Variants in TNFRSF19 observed in about 807,000 individuals in gnomAD.
TNFRSF19 encodes TNF receptor superfamily member 19.
TNFRSF19 carries 27 observed loss-of-function variants against 46.4 expected under a neutral mutation model. The ratio of observed to expected loss-of-function variants is 0.58; its 90% CI spans 0.43 to 0.80. The LOEUF is 0.80. Ranked by LOEUF, TNFRSF19 falls within the 30% of genes least tolerant of loss-of-function variation. The pLI, the probability that TNFRSF19 is intolerant of heterozygous loss-of-function variation, is 0.00. For missense variants in TNFRSF19, 511 were observed against 530.8 expected, an observed-to-expected ratio of 0.96 and a Z score of 0.37; for synonymous variants, 204 against 205.0, an observed-to-expected ratio of 1.00 and a Z score of 0.04.
intron 1 of TNFRSF19, among the ~76,000 whole-genome samples, chr13:23,574,589 G>A (rs971534565): frequency 2.0e-5 from 3 of 152,110 alleles, no homozygotes; most frequent in African/African-American, 7.2e-5. Flanking sequence ...TCTGCTTCAG[G>A]AGTGAACTGA....
At chr13:23,574,508 T>C (rs1430519299) in intron 1 of TNFRSF19, among the ~76,000 whole-genome samples, 3 of 152,108 alleles carry the variant, frequency 2.0e-5, no homozygotes, top group African/African-American at 7.2e-5. Context: ...ATTAGACATT[T>C]TTAATAGTAT....
intron 3 of TNFRSF19, among the ~76,000 whole-genome samples, chr13:23,610,550 A>G (rs940101624): frequency 6.8e-6 from 1 of 146,096 alleles, no homozygotes; most frequent in East Asian, 2.2e-4. Context: ...GCCCAGGAGG[A>G]CTATATGGCC....
At chr13:23,635,168 G>A (rs1882603533) in intron 5 of TNFRSF19, among the ~76,000 whole-genome samples, 1 of 152,152 alleles carries the variant, frequency 6.6e-6, no homozygotes, top group Admixed American at 6.5e-5. Flanking sequence ...GGTGAACTCC[G>A]AGGGACAGGA....
At chr13:23,632,738 G>A (rs990760063) in intron 5 of TNFRSF19, among the ~76,000 whole-genome samples, 1 of 152,148 alleles carries the variant, frequency 6.6e-6, no homozygotes, top group African/African-American at 2.4e-5. Flanking sequence ...TCTCTATCAA[G>A]AGGACACCTT....
chr13:23,622,664 A>C (rs1183484664), intron 4 of TNFRSF19, among the ~76,000 whole-genome samples: 1 of 152,178 alleles, frequency 6.6e-6, no homozygotes, highest in African/African-American at 2.4e-5. Context: ...TAACTTTTTA[A>C]GTGTTAAAAG....
At position 23,624,265 on chromosome 13, in the gene TNFRSF19, A is replaced by G. The variant is rs9578623; in HGVS notation, c.360-2442A>G. Reference sequence around the variant, plus strand: ...TTGTCTGTCTTTATGCCAGTACTACATATTTTGATTATTGTTGCATTGTAT... The same window carrying G: ...TTGTCTGTCTTTATGCCAGTACTACGTATTTTGATTATTGTTGCATTGTAT... On this transcript the variant is annotated intron_variant, in intron 4 of 9. Transcript: ENST00000248484. 6.6e-3 allele frequency among the ~76,000 whole-genome samples: 991 copies of G among 150,822 alleles called. 14 individuals carry two copies. The highest frequency in any genetic ancestry group is 0.022 in the African/African-American group (913 of 41,166).
intron 2 of TNFRSF19, among the ~76,000 whole-genome samples, chr13:23,591,861 G>T (rs1347109636): frequency 6.6e-6 from 1 of 151,826 alleles, no homozygotes; most frequent in Admixed American, 6.6e-5. Flanking sequence ...CAAGTAGCTG[G>T]GACTACAGGT....
chr13:23,626,103 C>A (rs1206488339), intron 4 of TNFRSF19, among the ~76,000 whole-genome samples: 1 of 151,708 alleles, frequency 6.6e-6, no homozygotes, highest in African/African-American at 2.4e-5. Context: ...ATAATTAGTA[C>A]AATTTTTCAA....
intron 3 of TNFRSF19, among the ~76,000 whole-genome samples, chr13:23,604,930 C>A (rs1168181638): frequency 6.6e-6 from 1 of 151,986 alleles, no homozygotes; most frequent in African/African-American, 2.4e-5. Flanking sequence ...TTATATGACA[C>A]CAAAGGCACA....
At chr13:23,620,569 G>A (rs1881587713) in intron 4 of TNFRSF19, among the ~76,000 whole-genome samples, 3 of 152,228 alleles carry the variant, frequency 2.0e-5, no homozygotes, top group African/African-American at 7.2e-5. Flanking sequence ...TGACCATGCT[G>A]TAAGAATCCA....
At chr13:23,571,897 T>C (rs1341531071) in intron 1 of TNFRSF19, among the ~76,000 whole-genome samples, 6 of 151,982 alleles carry the variant, frequency 3.9e-5, no homozygotes, top group African/African-American at 7.2e-5. Flanking sequence ...GTTCTAGTCC[T>C]AAATTTATCT....
Position 23,668,673 on chromosome 13 carries a change from C to A in TNFRSF19, c.840-19C>A. 1 of 1,594,280 alleles carries A rather than the reference C, an allele frequency of 6.3e-7. No individual in the cohort carries two copies. Among genetic ancestry groups the A allele is most frequent in the South Asian group, 1.2e-5 (1 of 86,764 alleles). Reference sequence around the variant, plus strand: ...TTCTCCCCATCAAAAACTTTAAGTTCTTTTGAACGTGTGTGCAGAAACGCA... The same window carrying A: ...TTCTCCCCATCAAAAACTTTAAGTTATTTTGAACGTGTGTGCAGAAACGCA... On this transcript the variant is annotated intron_variant, in intron 8 of 9. Transcript: ENST00000248484.
intron 9 of TNFRSF19, among the ~76,000 whole-genome samples, chr13:23,670,715 G>A (rs1951747792): frequency 6.6e-6 from 1 of 152,194 alleles, no homozygotes; most frequent in South Asian, 2.1e-4. Context: ...CTTCAAAGCA[G>A]AGAGCGTCCA....
chr13:23,659,201 G>A lies in TNFRSF19; in HGVS notation c.597G>A (p.Glu199=), dbSNP rs1482643824. Residue 199 remains glutamate, a synonymous_variant, in exon 6 of 10, where the codon GAG becomes GAA. Coordinates refer to ENST00000248484, the MANE Select transcript of TNFRSF19 (RefSeq NM_148957.4). The surrounding 1 kb of genome is among the most constrained non-coding windows in gnomAD (Gnocchi z 4.9). The part of the protein sequence containing the change: ...CVIYCKRQFM[E]KKPSWSLRSQ... The stretch of plus-strand genomic sequence containing the variant: ...TCTATTGTAAGAGACAGTTTATGGA[G>A]AAGAAACCCAGCTGTAAGTTTTGAG... 3.1e-6 allele frequency: 5 copies of A among 1,608,492 alleles called. No individual in the cohort carries two copies. In the African/African-American group the frequency reaches 6.7e-5, roughly 21 times the overall value.
At chr13:23,655,833 T>TA (rs1411222678) in intron 5 of TNFRSF19, among the ~76,000 whole-genome samples, 1 of 152,170 alleles carries the variant, frequency 6.6e-6, no homozygotes, top group Non-Finnish European at 1.5e-5. Context: ...ATAGTTTTTT[T>TA]ACTAGAAACT....
intron 7 of TNFRSF19, 138 bp from the exon 8 acceptor site, chr13:23,667,842 G>A: frequency 1.5e-6 from 1 of 651,592 alleles, no homozygotes; most frequent in South Asian, 2.6e-5. Flanking sequence ...AAGAAAAAAA[G>A]AGAACCTTGT....
intron 2 of TNFRSF19, 66 bp downstream of exon 2, chr13:23,590,318 G>A (rs932358414): frequency 1.5e-5 from 14 of 962,296 alleles, no homozygotes; most frequent in Non-Finnish European, 2.2e-5. Context: ...ATAAGTAGTA[G>A]GAGTACCAAA....
chr13:23,605,366 G>A (rs773484831), intron 3 of TNFRSF19, among the ~76,000 whole-genome samples: 2 of 152,318 alleles, frequency 1.3e-5, no homozygotes, highest in African/African-American at 4.8e-5. Context: ...TTGCTAGTGG[G>A]AATGCAAAAT....
intron 3 of TNFRSF19, among the ~76,000 whole-genome samples, chr13:23,613,339 T>C (rs1593255571): frequency 6.6e-6 from 1 of 152,218 alleles, no homozygotes; most frequent in East Asian, 1.9e-4. Flanking sequence ...ATGAAGAGAC[T>C]GAGGATCGGA....
Sources: gnomAD v4.1 joint callset for allele counts (sites outside exome capture counted in the v4.1 genomes callset) on GRCh38, gnomAD v4.1.1 for gene constraint, Gnocchi (gnomAD v3.1) non-coding constraint, MANE v1.5 for transcripts, NCBI Gene and HGNC (gene_info 2026-07-23, HGNC 2026-07-21) for gene names.